Variants in GABRG3 observed in about 807,000 individuals in gnomAD.
The protein encoded by GABRG3 is gamma-aminobutyric acid type A receptor subunit gamma3.
GABRG3 carries 25 observed loss-of-function variants against 48.8 expected under a neutral mutation model. The ratio of observed to expected loss-of-function variants is 0.51; its 90% CI spans 0.37 to 0.72. The LOEUF is 0.72. Among genes scored for constraint, GABRG3 ranks in the 30% least tolerant of loss-of-function variants. The pLI is 0.00. For synonymous variants in GABRG3, 227 were observed against 217.6 expected, an observed-to-expected ratio of 1.04 and a Z score of -0.38; for missense variants, 394 against 577.9, an observed-to-expected ratio of 0.68 and a Z score of 3.26.
intron 3 of GABRG3, among the ~76,000 whole-genome samples, chr15:27,307,449 A>AGGTT (rs1491215222): frequency 6.1e-5 from 4 of 65,598 alleles, no homozygotes; most frequent in African/African-American, 1.7e-4. Context: ...ATATATAAAC[A>AGGTT]TATAGGTTTA....
At chr15:27,343,255 C>T (rs1894253523) in intron 5 of GABRG3, among the ~76,000 whole-genome samples, 1 of 152,112 alleles carries the variant, frequency 6.6e-6, no homozygotes, top group South Asian at 2.1e-4. Flanking sequence ...TGCAGAAGTC[C>T]CTGTGGCTGG....
chr15:27,164,904 G>T (rs1342204287), intron 3 of GABRG3, among the ~76,000 whole-genome samples: 1 of 152,174 alleles, frequency 6.6e-6, no homozygotes, highest in Non-Finnish European at 1.5e-5. Flanking sequence ...CCTCTCAGTG[G>T]AAAGTGATGT....
At chr15:27,409,162 C>T (rs1428445100) in intron 5 of GABRG3, among the ~76,000 whole-genome samples, 1 of 152,040 alleles carries the variant, frequency 6.6e-6, no homozygotes, top group Non-Finnish European at 1.5e-5. Context: ...CTTCTGATAT[C>T]ATACCTAAAA....
chr15:27,510,814 G>A (rs1871019), intron 6 of GABRG3, among the ~76,000 whole-genome samples: 91,331 of 152,104 alleles, frequency 0.6, 28,204 homozygotes, highest in African/African-American at 0.73. Context: ...GTTACTTTAC[G>A]GTTAAACAGG....
At chr15:27,086,389 C>G (rs1480423594) in intron 3 of GABRG3, among the ~76,000 whole-genome samples, 2 of 152,112 alleles carry the variant, frequency 1.3e-5, no homozygotes, top group Admixed American at 1.3e-4. Context: ...CTGTGTCACT[C>G]GGGCACGTCT....
intron 3 of GABRG3, among the ~76,000 whole-genome samples, chr15:27,107,878 CCTT>C (rs1566937314): frequency 6.6e-6 from 1 of 150,620 alleles, no homozygotes; most frequent in Non-Finnish European, 1.5e-5. Context: ...TCTAGTATTC[CCTT>C]CTTTTAATGT....
chr15:27,096,360 T>G (rs1897265612), intron 3 of GABRG3, among the ~76,000 whole-genome samples: 1 of 152,216 alleles, frequency 6.6e-6, no homozygotes, highest in South Asian at 2.1e-4. Flanking sequence ...ACCATATGAA[T>G]CATTGTTCCT....
intron 3 of GABRG3, among the ~76,000 whole-genome samples, chr15:27,113,747 T>C (rs1183766367): frequency 1.3e-5 from 2 of 152,038 alleles, no homozygotes; most frequent in Non-Finnish European, 2.9e-5. Flanking sequence ...ACCTAGAACA[T>C]AGTCTCCTAG....
At chr15:27,000,636 C>T (rs1472928626) in intron 2 of GABRG3, among the ~76,000 whole-genome samples, 1 of 152,072 alleles carries the variant, frequency 6.6e-6, no homozygotes, top group African/African-American at 2.4e-5. Context: ...TATCGCCTCC[C>T]CCCACCACCA....
chr15:27,350,032 T>G (rs1179520336), intron 5 of GABRG3: 2 of 452,782 alleles, frequency 4.4e-6, no homozygotes, highest in Non-Finnish European at 8.9e-6. Context: ...GATTACCAGG[T>G]TAGGGTTGCA....
At chr15:27,209,263 G>A (rs1039748093) in intron 3 of GABRG3, among the ~76,000 whole-genome samples, 2 of 152,248 alleles carry the variant, frequency 1.3e-5, no homozygotes, top group Non-Finnish European at 2.9e-5. Context: ...GTGGTTCTGA[G>A]CAGCACGCAG....
intron 5 of GABRG3, among the ~76,000 whole-genome samples, chr15:27,455,782 A>C (rs1889256641): frequency 6.7e-6 from 1 of 149,990 alleles, no homozygotes; most frequent in Admixed American, 6.7e-5. Context: ...GTGTGTGTGC[A>C]TTTGTATATA....
intron 3 of GABRG3, among the ~76,000 whole-genome samples, chr15:27,274,225 G>C (rs1891179778): frequency 6.6e-6 from 1 of 152,204 alleles, no homozygotes; most frequent in Admixed American, 6.5e-5. Flanking sequence ...TGCTTGTCCT[G>C]CTGCTGAGCT....
At chr15:27,351,047 G>A (rs1274197055) in intron 5 of GABRG3, among the ~76,000 whole-genome samples, 2 of 147,770 alleles carry the variant, frequency 1.4e-5, no homozygotes, top group Non-Finnish European at 3.0e-5. Flanking sequence ...TGGTGTATGT[G>A]CATATGGTGT....
At chr15:27,316,177 A>G (rs1005549174) in intron 3 of GABRG3, among the ~76,000 whole-genome samples, 4 of 152,038 alleles carry the variant, frequency 2.6e-5, no homozygotes, top group Admixed American at 6.5e-5. Flanking sequence ...GAGGTCAGGA[A>G]ATCGAGACCA....
At chr15:26,981,161 A>C (rs1270855195) in intron 2 of GABRG3, among the ~76,000 whole-genome samples, 4 of 152,232 alleles carry the variant, frequency 2.6e-5, no homozygotes, top group African/African-American at 9.6e-5. Flanking sequence ...AAACATTCCC[A>C]AATTTTACTC....
chr15:27,298,532 C>T (rs1260717148), intron 3 of GABRG3, among the ~76,000 whole-genome samples: 1 of 152,050 alleles, frequency 6.6e-6, no homozygotes, highest in Non-Finnish European at 1.5e-5. Context: ...CAGCACGTTA[C>T]ATAAGATAAG....
Position 27,532,484 on chromosome 15 carries a change from C to T in GABRG3, c.1123-116C>T, listed in dbSNP as rs577344813. On this transcript the variant is annotated intron_variant, in intron 9 of 9. Transcript: ENST00000615808. ...TCCAGCATGGGGGGAAGGGCACACCCACGCATCCTCTTTATCTATAGGAGA... is the reference window on the plus strand; with the variant it reads ...TCCAGCATGGGGGGAAGGGCACACCTACGCATCCTCTTTATCTATAGGAGA... 3.2e-5 allele frequency: 30 copies of T among 945,406 alleles called. No individual in the cohort carries two copies. In the South Asian group the frequency reaches 4.9e-4, roughly 15 times the overall value. The allele number at this position is 945,406 out of a possible 1,614,324, so 58.6% of individuals were successfully genotyped here.
At chr15:27,508,703 TTGTTGTTGTTGC>T (rs2150857411) in intron 6 of GABRG3, among the ~76,000 whole-genome samples, 1 of 152,204 alleles carries the variant, frequency 6.6e-6, no homozygotes, top group Admixed American at 6.5e-5. Flanking sequence ...TGTTTTGTTT[TTGTTGTTGTTGC>T]TGTTGTTGTT....
Sources: gnomAD v4.1 joint callset for allele counts (sites outside exome capture counted in the v4.1 genomes callset) on GRCh38, gnomAD v4.1.1 for gene constraint, MANE v1.5 for transcripts, NCBI Gene and HGNC (gene_info 2026-07-23, HGNC 2026-07-21) for gene names.